Variants in DLEU7 observed in about 807,000 individuals in gnomAD.
The protein encoded by DLEU7 is deleted in lymphocytic leukemia 7, also known as leukemia-associated protein 7.
DLEU7 carries 17 observed loss-of-function variants against 16.0 expected under a neutral mutation model. The ratio of observed to expected loss-of-function variants is 1.06; its 90% confidence interval spans 0.73 to 1.59. DLEU7 has a LOEUF of 1.59. Among genes scored for constraint, DLEU7 ranks in the 40% most tolerant of loss-of-function variants. The pLI, the probability that DLEU7 is intolerant of heterozygous loss-of-function variation, is 0.00. For missense variants in DLEU7, 308 were observed against 314.9 expected (o/e 0.98, Z 0.17); for synonymous variants, 113 against 139.8 (o/e 0.81, Z 1.35).
At chr13:50,743,638 G>C (rs918125939) in intron 1 of DLEU7, among the ~76,000 whole-genome samples, 1 of 152,126 alleles carries the variant, frequency 6.6e-6, no homozygotes, top group Non-Finnish European at 1.5e-5. Flanking sequence ...ATTAGACTTC[G>C]AGCAGGAAAT....
intron 1 of DLEU7, among the ~76,000 whole-genome samples, chr13:50,760,327 T>C (rs774635139): frequency 6.6e-5 from 10 of 152,210 alleles, no homozygotes; most frequent in Admixed American, 6.6e-5. Flanking sequence ...TAAGTACTTT[T>C]AAGCACTTCA....
At chr13:50,713,180 G>C (rs1255232942) in exon 2 of DLEU7, 1 of 1,605,762 alleles carries the variant, frequency 6.2e-7, no homozygotes, top group African/African-American at 1.3e-5. Context: ...GAAATATGAA[G>C]CTCCTGATGG....
intron 1 of DLEU7, among the ~76,000 whole-genome samples, chr13:50,713,977 G>A (rs2137699372): frequency 6.6e-6 from 1 of 152,316 alleles, no homozygotes; most frequent in East Asian, 1.9e-4. Context: ...AAGACTGTCG[G>A]CTGTGTTACA....
intron 1 of DLEU7, among the ~76,000 whole-genome samples, chr13:50,729,446 G>A (rs1873858655): frequency 6.6e-6 from 1 of 152,092 alleles, no homozygotes. Context: ...TGGGCACCTA[G>A]GGTGACCCCA....
chr13:50,748,030 A>T (rs1342365125), intron 1 of DLEU7, among the ~76,000 whole-genome samples: 1 of 152,182 alleles, frequency 6.6e-6, no homozygotes, highest in Non-Finnish European at 1.5e-5. Context: ...ACCCAACTAG[A>T]CCATGCTCCT....
At chr13:50,816,140 A>G (rs754656315) in intron 1 of DLEU7, among the ~76,000 whole-genome samples, 5 of 152,134 alleles carry the variant, frequency 3.3e-5, no homozygotes, top group Non-Finnish European at 7.4e-5. Flanking sequence ...TTAGAAGGCT[A>G]TTAATTCCAT....
chr13:50,784,031 C>T (rs1359505619), intron 1 of DLEU7, among the ~76,000 whole-genome samples: 1 of 152,218 alleles, frequency 6.6e-6, no homozygotes, highest in Non-Finnish European at 1.5e-5. Flanking sequence ...AGTTCAGCGA[C>T]CCGCCCCCTG....
At chr13:50,834,544 A>T (rs1209257072) in intron 1 of DLEU7, among the ~76,000 whole-genome samples, 1 of 152,214 alleles carries the variant, frequency 6.6e-6, no homozygotes, top group South Asian at 2.1e-4. Flanking sequence ...AGGAAACAAC[A>T]TATGCGGGAG....
intron 1 of DLEU7, among the ~76,000 whole-genome samples, chr13:50,750,416 G>A (rs540276629): frequency 1.1e-3 from 160 of 152,128 alleles, no homozygotes; most frequent in Admixed American, 2.5e-3. Flanking sequence ...TTGGCTATGC[G>A]GGCTCTTTTT....
chr13:50,745,849 C>A (rs1566236428), intron 1 of DLEU7, among the ~76,000 whole-genome samples: 2 of 152,004 alleles, frequency 1.3e-5, no homozygotes, highest in Non-Finnish European at 2.9e-5. Flanking sequence ...GATATATATT[C>A]AAAGGGAATT....
intron 1 of DLEU7, among the ~76,000 whole-genome samples, chr13:50,800,728 C>T (rs151226515): frequency 1.1e-3 from 160 of 152,270 alleles, no homozygotes; most frequent in African/African-American, 3.6e-3. Flanking sequence ...AAATACTCTG[C>T]TTGGTGCTTT....
intron 1 of DLEU7, among the ~76,000 whole-genome samples, chr13:50,737,038 A>C (rs1371234501): frequency 6.6e-6 from 1 of 152,170 alleles, no homozygotes; most frequent in African/African-American, 2.4e-5. Flanking sequence ...AAAATTATCC[A>C]ACATTTAATG....
At chr13:50,714,482 C>T (rs894664251) in intron 1 of DLEU7, among the ~76,000 whole-genome samples, 1 of 152,130 alleles carries the variant, frequency 6.6e-6, no homozygotes, top group African/African-American at 2.4e-5. Context: ...CCTGTTTTCT[C>T]AGTGCTAGCT....
At chr13:50,766,836 C>G (rs892499370) in intron 1 of DLEU7, among the ~76,000 whole-genome samples, 4 of 144,230 alleles carry the variant, frequency 2.8e-5, no homozygotes, top group African/African-American at 1.0e-4. Context: ...GATTCTGATA[C>G]AGGTGCTGTA....
intron 1 of DLEU7, among the ~76,000 whole-genome samples, chr13:50,798,062 T>C (rs534430818): frequency 6.6e-6 from 1 of 152,272 alleles, no homozygotes; most frequent in East Asian, 1.9e-4. Flanking sequence ...GCCATTGTAA[T>C]AGGTGGCACC....
intron 1 of DLEU7, among the ~76,000 whole-genome samples, chr13:50,793,024 A>G (rs1876010011): frequency 6.6e-6 from 1 of 151,932 alleles, no homozygotes; most frequent in Non-Finnish European, 1.5e-5. Context: ...CCTTCCCTGA[A>G]TCCCTTCTTC....
At chr13:50,748,538 A>T (rs1874467827) in intron 1 of DLEU7, among the ~76,000 whole-genome samples, 1 of 152,164 alleles carries the variant, frequency 6.6e-6, no homozygotes, top group South Asian at 2.1e-4. Context: ...TTTTGGAACA[A>T]ATAAAGATGG....
intron 1 of DLEU7, among the ~76,000 whole-genome samples, chr13:50,824,483 CTTG>C (rs1321180529): frequency 4.6e-5 from 7 of 152,212 alleles, no homozygotes; most frequent in Admixed American, 1.3e-4. Context: ...CCTTTCTGAG[CTTG>C]CAAGAAAATA....
chr13:50,790,785 G>C (rs1875934378), intron 1 of DLEU7, among the ~76,000 whole-genome samples: 1 of 152,170 alleles, frequency 6.6e-6, no homozygotes, highest in South Asian at 2.1e-4. Flanking sequence ...TTCCTGTAGA[G>C]ATTAGCCACG....
Sources: gnomAD v4.1 joint callset for allele counts (sites outside exome capture counted in the v4.1 genomes callset) on GRCh38, gnomAD v4.1.1 for gene constraint, MANE v1.5 for transcripts, NCBI Gene and HGNC (gene_info 2026-07-23, HGNC 2026-07-21) for gene names.